Variants in FHIT observed in about 807,000 individuals in gnomAD.
FHIT encodes bis(5'-adenosyl)-triphosphatase.
A neutral mutation model predicts 17.9 loss-of-function variants in FHIT; 19 were observed. That is an observed-to-expected ratio of 1.06 (90% confidence interval 0.74 to 1.56). The LOEUF is 1.56. Among genes scored for constraint, FHIT ranks in the 40% most tolerant of loss-of-function variants. The pLI, the probability that FHIT is intolerant of heterozygous loss-of-function variation, is 0.00. For missense variants in FHIT, 248 were observed against 189.2 expected, an observed-to-expected ratio of 1.31 and a Z score of -1.82; for synonymous variants, 81 against 69.7, an observed-to-expected ratio of 1.16 and a Z score of -0.81.
intron 8 of FHIT, among the ~76,000 whole-genome samples, chr3:59,800,305 C>T (rs760920076): frequency 2.6e-5 from 4 of 151,648 alleles, no homozygotes; most frequent in Non-Finnish European, 1.5e-5. Context: ...GAATATGCAG[C>T]GTTCTTGTTC....
chr3:60,283,333 A>G (rs1707556651), intron 5 of FHIT, among the ~76,000 whole-genome samples: 1 of 152,122 alleles, frequency 6.6e-6, no homozygotes, highest in African/African-American at 2.4e-5. Context: ...ATATGCTATT[A>G]TATGTGACAA....
chr3:60,954,314 GA>G (rs1229379377), intron 3 of FHIT, among the ~76,000 whole-genome samples: 2 of 152,162 alleles, frequency 1.3e-5, no homozygotes, highest in South Asian at 4.1e-4. Context: ...CTACTTTTAA[GA>G]ACACATTATT....
At chr3:60,730,175 T>C (rs2041998802) in intron 4 of FHIT, 5 of 409,176 alleles carry the variant, frequency 1.2e-5, no homozygotes, top group Admixed American at 3.0e-5. Context: ...TTGTCACTAA[T>C]GGCTCTGTGT....
chr3:60,898,076 C>T lies in FHIT; in HGVS notation c.-110-76065G>A, dbSNP rs141341275. On this transcript the variant is annotated intron_variant, in intron 3 of 9. Coordinates refer to ENST00000492590, the MANE Select transcript of FHIT (RefSeq NM_002012.4). ...TTAGGGCATATATGTAAACACACACCTATTTAAAAACTCTCTTCTTTTTAT... is the reference window on the plus strand; with the variant it reads ...TTAGGGCATATATGTAAACACACACTTATTTAAAAACTCTCTTCTTTTTAT... Among the ~76,000 whole-genome samples the T allele has an allele frequency of 5.3e-4, 80 of 152,148 alleles. 1 individual carries two copies. The highest frequency in any genetic ancestry group is 1.7e-3 in the African/African-American group (72 of 41,546).
At chr3:59,997,514 A>G (rs1384794084) in intron 7 of FHIT, among the ~76,000 whole-genome samples, 1 of 152,210 alleles carries the variant, frequency 6.6e-6, no homozygotes, top group African/African-American at 2.4e-5. Flanking sequence ...AAATGCATTT[A>G]TATGTTAAAA....
At chr3:60,478,361 A>G (rs2033448316) in intron 5 of FHIT, among the ~76,000 whole-genome samples, 1 of 152,210 alleles carries the variant, frequency 6.6e-6, no homozygotes, top group African/African-American at 2.4e-5. Context: ...ATCCTAGCCA[A>G]CAAATTCAAG....
chr3:60,691,350 T>C (rs1553699525), intron 4 of FHIT, among the ~76,000 whole-genome samples: 1 of 152,012 alleles, frequency 6.6e-6, no homozygotes, highest in Non-Finnish European at 1.5e-5. Context: ...TCAATTTTTT[T>C]CCCCTCTTGA....
In FHIT at chr3:60,726,522, G is replaced by A. The variant is rs191746325; in HGVS notation, c.-18+95397C>T. Among the ~76,000 whole-genome samples, 7 of 152,264 alleles carry A rather than the reference G, an allele frequency of 4.6e-5. No individual in the cohort carries two copies. In the East Asian group the frequency reaches 1.4e-3, roughly 29 times the overall value. ...ATGGGTAGTGGGCTGAGTCTGGTCA[G>A]TTTTCAGTGGAGAAAATGTAGACGA... On this transcript the variant is annotated intron_variant, in intron 4 of 9. Coordinates refer to ENST00000492590, the MANE Select transcript of FHIT (RefSeq NM_002012.4).
intron 4 of FHIT, among the ~76,000 whole-genome samples, chr3:60,804,814 C>T (rs1701327024): frequency 6.6e-6 from 1 of 152,200 alleles, no homozygotes; most frequent in Admixed American, 6.5e-5. Context: ...TCTCATCATC[C>T]TCCAAAACCA....
At chr3:61,173,806 C>G (rs2038080935) in intron 2 of FHIT, among the ~76,000 whole-genome samples, 1 of 152,190 alleles carries the variant, frequency 6.6e-6, no homozygotes, top group African/African-American at 2.4e-5. Flanking sequence ...TAACAGCAGT[C>G]TGAATATCAA....
chr3:61,071,663 C>A (rs1421102740), intron 2 of FHIT, among the ~76,000 whole-genome samples: 1 of 152,092 alleles, frequency 6.6e-6, no homozygotes, highest in Non-Finnish European at 1.5e-5. Context: ...TCTATGCAGC[C>A]TATTTCCAAT....
intron 2 of FHIT, among the ~76,000 whole-genome samples, chr3:61,046,324 C>A (rs915864872): frequency 3.9e-5 from 6 of 152,158 alleles, no homozygotes; most frequent in Non-Finnish European, 7.4e-5. Context: ...ACCGATCCCA[C>A]AGAAATACAA....
chr3:60,687,727 C>A lies in FHIT; in HGVS notation c.-18+134192G>T, dbSNP rs548807630. Among the ~76,000 whole-genome samples, 6 of 152,014 alleles carry A rather than the reference C, an allele frequency of 3.9e-5. No individual in the cohort carries two copies. In the South Asian group the frequency reaches 6.2e-4, roughly 16 times the overall value. On this transcript the variant is annotated intron_variant, in intron 4 of 9. Transcript: ENST00000492590. ...TTCTATCAATTCTGTGTTTATTTGA[C>A]CCATGAAAGATCAATAAAAGTGTAT... is the stretch of plus-strand genomic sequence containing the variant.
At chr3:60,196,143 G>C (rs766771823) in intron 5 of FHIT, among the ~76,000 whole-genome samples, 1 of 152,166 alleles carries the variant, frequency 6.6e-6, no homozygotes, top group Non-Finnish European at 1.5e-5. Flanking sequence ...CTTAGGGCTT[G>C]AAACAACACA....
chr3:61,206,684 C>G (rs201504194), intron 1 of FHIT, among the ~76,000 whole-genome samples: 64,848 of 150,656 alleles, frequency 0.43, 14,399 homozygotes, highest in East Asian at 0.58. Flanking sequence ...CTGAGACTTT[C>G]CTGAAGTTGC....
intron 5 of FHIT, among the ~76,000 whole-genome samples, chr3:60,260,488 A>G (rs971757739): frequency 2.0e-5 from 3 of 152,134 alleles, no homozygotes; most frequent in Non-Finnish European, 4.4e-5. Context: ...ACTTTTAACA[A>G]AACAATAGAA....
At chr3:60,783,359 C>A (rs1332168377) in intron 4 of FHIT, among the ~76,000 whole-genome samples, 5 of 152,126 alleles carry the variant, frequency 3.3e-5, no homozygotes, top group African/African-American at 1.2e-4. Flanking sequence ...TTTAACATAG[C>A]CCACAGTCTG....
chr3:60,937,404 G>A (rs1283807923), intron 3 of FHIT, among the ~76,000 whole-genome samples: 1 of 152,114 alleles, frequency 6.6e-6, no homozygotes, highest in African/African-American at 2.4e-5. Context: ...TGCTCCAAAT[G>A]AGGCAGAAAT....
At chr3:59,961,751 T>C (rs1374527535) in intron 7 of FHIT, among the ~76,000 whole-genome samples, 1 of 152,196 alleles carries the variant, frequency 6.6e-6, no homozygotes, top group African/African-American at 2.4e-5. Flanking sequence ...ACCCACTGTC[T>C]AACCAGTCCC....
Sources: allele counts gnomAD v4.1 joint callset (sites outside exome capture counted in the v4.1 genomes callset), GRCh38; gene constraint gnomAD v4.1.1; transcripts MANE v1.5; gene names NCBI Gene and HGNC (gene_info 2026-07-23, HGNC 2026-07-21).